SMYD4: variants seen among roughly 807,000 people sequenced by gnomAD.
The protein encoded by SMYD4 is protein-lysine N-methyltransferase SMYD4.
SMYD4 carries 68 observed loss-of-function variants against 72.8 expected under a neutral mutation model. That is an observed-to-expected ratio of 0.93 (90% CI 0.77 to 1.14). The LOEUF (loss-of-function observed/expected upper bound fraction) is 1.14. SMYD4 is among the 50% of genes most tolerant of loss of function. SMYD4 has a pLI of 0.00. For synonymous variants in SMYD4, 407 were observed against 388.6 expected (o/e 1.05, Z -0.56); for missense variants, 984 against 1,003.7 (o/e 0.98, Z 0.27).
chr17:1,803,456 T>C (rs1014968862), intron 4 of SMYD4, among the ~76,000 whole-genome samples: 6 of 152,200 alleles, frequency 3.9e-5, no homozygotes, highest in East Asian at 3.9e-4. Flanking sequence ...TGCTGACCTC[T>C]TGGACAGTCC....
chr17:1,810,564 A>G (rs1402621459), intron 3 of SMYD4, among the ~76,000 whole-genome samples: 1 of 151,994 alleles, frequency 6.6e-6, no homozygotes, highest in African/African-American at 2.4e-5. Flanking sequence ...CTGATATGGG[A>G]GGGGGGCAGG....
intron 8 of SMYD4, 45 bp downstream of exon 8, chr17:1,784,281 T>C: frequency 6.2e-7 from 1 of 1,611,754 alleles, no homozygotes; most frequent in African/African-American, 1.3e-5. Flanking sequence ...TCAGAACAAA[T>C]AAAAGGGAAG....
intron 4 of SMYD4, 76 bp downstream of exon 4, chr17:1,804,550 C>A: frequency 9.7e-6 from 12 of 1,239,782 alleles, no homozygotes; most frequent in Non-Finnish European, 1.4e-5. Context: ...ATGGAAGAAG[C>A]AGAGATGAAG....
intron 3 of SMYD4, among the ~76,000 whole-genome samples, chr17:1,807,402 A>G (rs1910092727): frequency 6.6e-6 from 1 of 150,534 alleles, no homozygotes; most frequent in African/African-American, 2.4e-5. Flanking sequence ...TTGGCTCACT[A>G]AAACTTCCGC....
chr17:1,815,688 T>C (rs1324642306), intron 2 of SMYD4, among the ~76,000 whole-genome samples: 2 of 137,806 alleles, frequency 1.5e-5, no homozygotes, highest in Non-Finnish European at 3.1e-5. Context: ...GGTAGTAAGA[T>C]GGAAAAAGCA....
chr17:1,824,533 G>C (rs1304234603), intron 2 of SMYD4, among the ~76,000 whole-genome samples: 1 of 152,134 alleles, frequency 6.6e-6, no homozygotes, highest in African/African-American at 2.4e-5. Context: ...GACCTGATGG[G>C]AGGTAACAGA....
Position 1,812,058 on chromosome 17 carries a change from G to C in SMYD4, c.192C>G (p.Asp64Glu), listed in dbSNP as rs1401524528. 6.2e-7 allele frequency: 1 copy of C among 1,614,094 alleles called. No homozygotes were observed. The highest frequency in any genetic ancestry group is 1.7e-5 in the Admixed American group (1 of 59,978). The change falls in exon 3 of 11, where the codon GAC becomes GAG. Residue 64 changes from aspartate to glutamate, a missense_variant. By Grantham distance (45) the Asp-to-Glu change is conservative. Coordinates refer to ENST00000305513, the MANE Select transcript of SMYD4 (RefSeq NM_052928.3). ...RLSKGYLVGK[D>E]SDAPLFYREE... Reference sequence around the variant, plus strand: ...CTCTGTAGAAAAGAGGAGCGTCCGAGTCCTTTCCCACCAAGTAACCTTTAG... The same window carrying C: ...CTCTGTAGAAAAGAGGAGCGTCCGACTCCTTTCCCACCAAGTAACCTTTAG...
At chr17:1,806,732 T>G (rs528039294) in intron 3 of SMYD4, among the ~76,000 whole-genome samples, 5 of 152,256 alleles carry the variant, frequency 3.3e-5, no homozygotes, top group Non-Finnish European at 7.4e-5. Context: ...TTCATAATTA[T>G]GGAGGGCAAT....
At chr17:1,824,683 A>G (rs8080152) in intron 2 of SMYD4, among the ~76,000 whole-genome samples, 98,996 of 151,904 alleles carry the variant, frequency 0.65, 33,980 homozygotes, top group Non-Finnish European at 0.79. Context: ...GCAGTGGCAC[A>G]ATCTCAGCGC....
chr17:1,801,240 A>ATT (rs57801527), intron 4 of SMYD4, among the ~76,000 whole-genome samples: 1 of 151,456 alleles, frequency 6.6e-6, no homozygotes, highest in African/African-American at 2.4e-5. Context: ...TTTGGATTAA[A>ATT]TTTTTTCTTT....
chr17:1,784,496 A>G, intron 7 of SMYD4, 35 bp from the exon 8 acceptor site: 1 of 1,612,868 alleles, frequency 6.2e-7, no homozygotes, highest in Non-Finnish European at 8.5e-7. Context: ...TTCCAATGCC[A>G]GGGTCAGTTA....
intron 5 of SMYD4, among the ~76,000 whole-genome samples, chr17:1,790,094 TGTC>T (rs1908939823): frequency 6.6e-6 from 1 of 152,210 alleles, no homozygotes; most frequent in African/African-American, 2.4e-5. Context: ...ATGAACAATT[TGTC>T]GTCTGAATAA....
Position 1,780,529 on chromosome 17 carries a change from ACAGAATCCGCACCTGGTCTG to A in SMYD4, c.*737_*756del, listed in dbSNP as rs1265583637. 4 of 142,768 alleles carry A rather than the reference ACAGAATCCGCACCTGGTCTG, an allele frequency of 2.8e-5. No individual in the cohort carries two copies. The highest frequency in any genetic ancestry group is 1.1e-4 in the African/African-American group (4 of 35,682). 8.8% of individuals were successfully genotyped at this position (142,768 alleles called of 1,614,324 possible). The stretch of plus-strand genomic sequence containing the variant: ...TCTACACTGGGCCTGCAGAACCTAC[ACAGAATCCGCACCTGGTCTG>A]CAGAACCCACACCCGACCCACAGAA... On this transcript the variant is annotated 3_prime_UTR_variant, in exon 11 of 11. Coordinates refer to ENST00000305513, the MANE Select transcript of SMYD4 (RefSeq NM_052928.3).
At chr17:1,828,914 C>G (rs1227086975) in intron 1 of SMYD4, among the ~76,000 whole-genome samples, 2 of 152,096 alleles carry the variant, frequency 1.3e-5, no homozygotes, top group African/African-American at 4.8e-5. Flanking sequence ...TCTCTAGTTT[C>G]TCTGAGACAC....
chr17:1,787,201 T>C (rs763381028), intron 6 of SMYD4, among the ~76,000 whole-genome samples: 3 of 152,340 alleles, frequency 2.0e-5, no homozygotes, highest in Non-Finnish European at 2.9e-5. Context: ...AGGAAGTTTA[T>C]AGTGATTAAA....
intron 2 of SMYD4, chr17:1,814,499 T>C (rs1910488208): frequency 6.6e-6 from 1 of 152,140 alleles, no homozygotes; most frequent in African/African-American, 2.4e-5. Context: ...GTATCAAATA[T>C]GATTTTATTA....
At position 1,779,786 on chromosome 17, in the gene SMYD4, C is replaced by A. The variant is rs1567760801; in HGVS notation, c.*1500G>T. On this transcript the variant is annotated 3_prime_UTR_variant, in exon 11 of 11. Transcript: ENST00000305513. ...ATACTGTAAGTGGAACGGTGTGTCTCTGGAGGTAAGCAGGCTTGCTGATTT... is the reference window on the plus strand; with the variant it reads ...ATACTGTAAGTGGAACGGTGTGTCTATGGAGGTAAGCAGGCTTGCTGATTT... 6.6e-6 allele frequency: 1 copy of A among 152,586 alleles called. No homozygotes were observed. Among genetic ancestry groups the A allele is most frequent in the African/African-American group, 2.4e-5 (1 of 41,450 alleles). 9.5% of individuals were successfully genotyped at this position (152,586 alleles called of 1,614,324 possible).
Position 1,827,927 on chromosome 17 carries a change from A to G in SMYD4, c.68T>C (p.Val23Ala), listed in dbSNP as rs72822491. The G allele has an allele frequency of 5.1e-3, 8,201 of 1,613,716 alleles. 28 individuals are homozygous for G. Among genetic ancestry groups the G allele is most frequent in the Non-Finnish European group, 6.4e-3 (7,592 of 1,179,626 alleles). Residue 23 changes from valine to alanine, a missense_variant, in exon 2 of 11, where the codon GTT (valine) becomes GCT (alanine). By Grantham distance (64) the Val-to-Ala change is moderately conservative (BLOSUM62 0). Coordinates refer to ENST00000305513, the MANE Select transcript of SMYD4 (RefSeq NM_052928.3). ...LQKWASLPTS[V>A]QVTISTAETL... ...CTCTGCTGTAGAAATTGTGACCTGAACAGACGTCGGGAGTGAAGCCCACTT... is the reference window on the plus strand; with the variant it reads ...CTCTGCTGTAGAAATTGTGACCTGAGCAGACGTCGGGAGTGAAGCCCACTT...
intron 5 of SMYD4, among the ~76,000 whole-genome samples, chr17:1,798,003 G>GA (rs1355701691): frequency 1.0e-4 from 15 of 149,108 alleles, no homozygotes; most frequent in East Asian, 3.9e-4. Flanking sequence ...CTCCATCTCA[G>GA]AAAAAAAAAG....
Sources: gnomAD v4.1 joint callset for allele counts (sites outside exome capture counted in the v4.1 genomes callset) on GRCh38, gnomAD v4.1.1 for gene constraint, MANE v1.5 for transcripts, NCBI Gene and HGNC (gene_info 2026-07-23, HGNC 2026-07-21) for gene names.